Variants in SHROOM4 observed in about 807,000 individuals in gnomAD.
SHROOM4 encodes the protein protein Shroom4.
In SHROOM4, 17 loss-of-function variants were observed where a neutral mutation model predicts 80.3. The observed-to-expected ratio is 0.21, with a 90% confidence interval of 0.14 to 0.32. The LOEUF (loss-of-function observed/expected upper bound fraction) is 0.32, where lower values mean the gene tolerates loss of function less well. Ranked by LOEUF, SHROOM4 falls within the 10% of genes least tolerant of loss-of-function variation. SHROOM4 has a pLI of 1.00. For synonymous variants in SHROOM4, 400 were observed against 437.5 expected (o/e 0.91, Z 1.07); for missense variants, 993 against 1,140.3 (o/e 0.87, Z 1.86).
chrX:50,627,061 G>A (rs781886338), intron 5 of SHROOM4, among the ~76,000 whole-genome samples: 5 of 111,783 alleles, frequency 4.5e-5, no homozygotes, highest in Admixed American at 9.5e-5. Context: ...GCAAATGAAT[G>A]TATCTCTGTG....
intron 1 of SHROOM4, among the ~76,000 whole-genome samples, chrX:50,727,353 G>A (rs1352650555): frequency 8.9e-6 from 1 of 112,055 alleles, no homozygotes; most frequent in Non-Finnish European, 1.9e-5. Context: ...TAAGACTTTG[G>A]GGAATTGTTA....
chrX:50,800,507 TGA>T (rs782552527), intron 1 of SHROOM4, among the ~76,000 whole-genome samples: 146 of 111,251 alleles, frequency 1.3e-3, no homozygotes, highest in African/African-American at 4.7e-3. Context: ...CAATCAAAGA[TGA>T]TGCCCTAGAG....
Position 50,694,693 on chromosome X carries a change from T to C in SHROOM4, c.269+1093A>G, listed in dbSNP as rs139232969. 1.9e-3 allele frequency among the ~76,000 whole-genome samples: 209 copies of C among 108,052 alleles called. 1 individual carries two copies. Among genetic ancestry groups the C allele is most frequent in the African/African-American group, 6.1e-3 (180 of 29,729 alleles). The allele number at this position is 108,052 out of a possible 115,157, so 93.8% of individuals were successfully genotyped here. A position where few individuals can be genotyped will look rare whatever the true frequency, so the allele number is the denominator to read the frequency against. ...AATATGAAAAATAACCCATTGACTT[T>C]GACAATTAGGCAATAATTTGTAGCT... On this transcript the variant is annotated intron_variant, in intron 2 of 8. Coordinates refer to ENST00000376020, the MANE Select transcript of SHROOM4 (RefSeq NM_020717.5).
intron 1 of SHROOM4, among the ~76,000 whole-genome samples, chrX:50,737,834 C>A (rs1186953992): frequency 7.2e-5 from 8 of 111,577 alleles, no homozygotes; most frequent in African/African-American, 2.6e-4. Context: ...TTTATGAGGC[C>A]AGGATCGTCC....
downstream of SHROOM4, among the ~76,000 whole-genome samples, chrX:50,582,174 G>T (rs782452008): frequency 1.8e-5 from 2 of 111,581 alleles, no homozygotes; most frequent in East Asian, 5.7e-4. Context: ...TTTGGAAAAA[G>T]CAGCCAGCCA....
intron 2 of SHROOM4, among the ~76,000 whole-genome samples, chrX:50,657,965 G>T (rs1932368402): frequency 8.9e-6 from 1 of 112,114 alleles, no homozygotes; most frequent in South Asian, 3.7e-4. Flanking sequence ...CTCAGGGATG[G>T]TATTAGTGCC....
At chrX:50,795,127 G>GAT (rs1296594833) in intron 1 of SHROOM4, among the ~76,000 whole-genome samples, 86 of 2,336 alleles carry the variant, frequency 0.037, 12 homozygotes, top group African/African-American at 0.067. Context: ...ATATATATAT[G>GAT]ATATATATAT....
intron 5 of SHROOM4, among the ~76,000 whole-genome samples, chrX:50,609,194 C>T (rs1186859378): frequency 1.8e-5 from 2 of 109,273 alleles, no homozygotes; most frequent in African/African-American, 6.7e-5. Flanking sequence ...ACTGGGAGGT[C>T]GAGGCTACAG....
intron 1 of SHROOM4, among the ~76,000 whole-genome samples, chrX:50,769,701 G>A (rs1384839224): frequency 3.6e-5 from 4 of 111,497 alleles, no homozygotes; most frequent in Non-Finnish European, 5.7e-5. Flanking sequence ...GCCATCAATA[G>A]TCTCAGTAGG....
At chrX:50,770,302 G>T (rs1181214616) in intron 1 of SHROOM4, among the ~76,000 whole-genome samples, 1 of 111,984 alleles carries the variant, frequency 8.9e-6, no homozygotes, top group Non-Finnish European at 1.9e-5. Flanking sequence ...CACATGAAAA[G>T]GTATGTACAC....
intron 2 of SHROOM4, among the ~76,000 whole-genome samples, chrX:50,691,282 T>C (rs1295420772): frequency 8.9e-6 from 1 of 111,919 alleles, no homozygotes; most frequent in Non-Finnish European, 1.9e-5. Context: ...TCAATACGGT[T>C]TGTATCATCA....
intron 1 of SHROOM4, among the ~76,000 whole-genome samples, chrX:50,766,028 G>A (rs1557269308): frequency 9.0e-6 from 1 of 111,409 alleles, no homozygotes; most frequent in African/African-American, 3.3e-5. Context: ...TTAACGGAAG[G>A]GATTGTGTTT....
chrX:50,735,127 T>C (rs1934456401), intron 1 of SHROOM4, among the ~76,000 whole-genome samples: 1 of 112,040 alleles, frequency 8.9e-6, no homozygotes, highest in South Asian at 3.7e-4. Flanking sequence ...GGCACAAGGA[T>C]AGACACACAG....
intron 2 of SHROOM4, among the ~76,000 whole-genome samples, chrX:50,694,543 A>C (rs868915723): frequency 8.0e-5 from 1 of 12,493 alleles, no homozygotes; most frequent in East Asian, 3.9e-3. Flanking sequence ...TTTAAGTTGG[A>C]TTTTTTTTTT....
intron 1 of SHROOM4, among the ~76,000 whole-genome samples, chrX:50,729,798 T>G (rs368212873): frequency 9.9e-5 from 11 of 110,954 alleles, no homozygotes; most frequent in African/African-American, 3.3e-4. Flanking sequence ...AGTGAACTTC[T>G]CAATAGAAAA....
chrX:50,637,663 G>T (rs1557256362), intron 3 of SHROOM4, among the ~76,000 whole-genome samples: 2 of 112,389 alleles, frequency 1.8e-5, no homozygotes, highest in African/African-American at 6.5e-5. Flanking sequence ...ACCTTTGCTG[G>T]CTCTCAGCCT....
rs1191837921 is a variant in SHROOM4 at position 50,590,562 on chromosome X, CT to C, written c.*6132del. On this transcript the variant is annotated 3_prime_UTR_variant, in exon 9 of 9. Coordinates refer to ENST00000376020, the MANE Select transcript of SHROOM4 (RefSeq NM_020717.5). ...ACCGCGCCTGGCCGAGACCAGATCCCTTTCTGTCTTTGCTGAGGACACAGCC... is the reference window on the plus strand; with the variant it reads ...ACCGCGCCTGGCCGAGACCAGATCCCTTCTGTCTTTGCTGAGGACACAGCC... 1.8e-5 allele frequency among the ~76,000 whole-genome samples: 2 copies of C among 111,926 alleles called. No individual in the cohort carries two copies. The highest frequency in any genetic ancestry group is 3.8e-5 in the Non-Finnish European group (2 of 53,177).
In SHROOM4 at chrX:50,810,526, G is replaced by A. The variant is rs146535638; in HGVS notation, c.117+3376C>T. Among the ~76,000 whole-genome samples, 611 of 110,879 alleles carry A rather than the reference G, an allele frequency of 5.5e-3. 5 individuals carry two copies. Among genetic ancestry groups the A allele is most frequent in the African/African-American group, 0.018 (564 of 30,497 alleles). On this transcript the variant is annotated intron_variant, in intron 1 of 8. Transcript: ENST00000376020. Reference sequence around the variant, plus strand: ...ACCATGCTTCCTGCACCTTACCTCTGTCTCTCCCTGACCTGAGATCATCAC... The same window carrying A: ...ACCATGCTTCCTGCACCTTACCTCTATCTCTCCCTGACCTGAGATCATCAC...
At chrX:50,761,574 T>C (rs782539320) in intron 1 of SHROOM4, among the ~76,000 whole-genome samples, 3 of 111,964 alleles carry the variant, frequency 2.7e-5, no homozygotes, top group Non-Finnish European at 5.6e-5. Context: ...ATATCTTCTT[T>C]TTTTTTGAGA....
Sources: gnomAD v4.1 joint callset for allele counts (sites outside exome capture counted in the v4.1 genomes callset) on GRCh38, gnomAD v4.1.1 for gene constraint, MANE v1.5 for transcripts, NCBI Gene and HGNC (gene_info 2026-07-23, HGNC 2026-07-21) for gene names.